Variants in PTPRC observed in about 807,000 individuals in gnomAD.
PTPRC encodes the protein protein tyrosine phosphatase receptor type C.
In PTPRC, 44 loss-of-function variants were observed where a neutral mutation model predicts 155.9. That is an observed-to-expected ratio of 0.28 (90% CI 0.22 to 0.36). The LOEUF (loss-of-function observed/expected upper bound fraction) is 0.36, where lower values mean the gene tolerates loss of function less well. PTPRC is among the 10% of genes least tolerant of loss of function. The probability of loss-of-function intolerance (pLI) is 1.00; values close to 1 mark genes in which losing one functional copy is unlikely to be tolerated. For synonymous variants in PTPRC, 525 were observed against 533.1 expected, an observed-to-expected ratio of 0.98 and a Z score of 0.21; for missense variants, 1,401 against 1,564.6, an observed-to-expected ratio of 0.90 and a Z score of 1.76.
chr1:198,742,183 A>G (rs1306025495), intron 24 of PTPRC, 49 bp from the exon 25 acceptor site: 1 of 1,611,560 alleles, frequency 6.2e-7, no homozygotes, highest in Non-Finnish European at 8.5e-7. Context: ...TTCACACCTG[A>G]CAGCTTTTCC....
rs764570515 is a variant in PTPRC at position 198,718,119 on chromosome 1, T to G, written c.1476T>G (p.Thr492=). The change falls in exon 14 of 33, where the codon ACT becomes ACG. Residue 492 remains threonine (T), a synonymous_variant. Coordinates refer to ENST00000442510, the MANE Select transcript of PTPRC (RefSeq NM_002838.5). The part of the protein sequence containing the change: ...SAPPSQVWNM[T]VSMTSDNSMH... ...CTCCAAGCCAGGTCTGGAACATGAC[T>G]GTCTCCATGACATCAGATAATAGTA... is the stretch of plus-strand genomic sequence containing the variant. 1.2e-6 allele frequency: 2 copies of G among 1,613,696 alleles called. No individual in the cohort carries two copies. The highest frequency in any genetic ancestry group is 4.5e-5 in the East Asian group (2 of 44,884).
At chr1:198,655,206 T>C (rs1663492288) in intron 2 of PTPRC, among the ~76,000 whole-genome samples, 1 of 151,832 alleles carries the variant, frequency 6.6e-6, no homozygotes, top group African/African-American at 2.4e-5. Context: ...CCTGCTTTTA[T>C]TTGAGTTAGA....
chr1:198,677,190 A>G (rs928862361), intron 2 of PTPRC, among the ~76,000 whole-genome samples: 1 of 152,174 alleles, frequency 6.6e-6, no homozygotes, highest in Non-Finnish European at 1.5e-5. Context: ...GCTTGCTAAT[A>G]CATAGCCTCA....
At chr1:198,676,992 C>T (rs1214019045) in intron 2 of PTPRC, among the ~76,000 whole-genome samples, 1 of 152,182 alleles carries the variant, frequency 6.6e-6, no homozygotes, top group East Asian at 1.9e-4. Flanking sequence ...ATGGATGGCT[C>T]AGTCCTTATA....
In PTPRC at chr1:198,708,154, A is replaced by T. The variant is rs1279900525; in HGVS notation, c.926A>T (p.His309Leu). Reference protein sequence around the residue: ...VPPGVEKFQLHDCTQVEKADT... With the variant: ...VPPGVEKFQLLDCTQVEKADT... ...TCAGGGGTTGAAAAGTTTCAGTTAC[A>T]TGATTGTACACAAGTTGAAAAAGCA... Residue 309 changes from histidine to leucine, a missense_variant, in exon 10 of 33, where the codon CAT (histidine) becomes CTT (leucine). Physicochemically the swap from His to Leu is moderately conservative, Grantham distance 99. Around this residue, in one of 3 missense-constraint regions of PTPRC, gnomAD observed 867 missense variants for 970.4 expected, o/e 0.89. Coordinates refer to ENST00000442510, the MANE Select transcript of PTPRC (RefSeq NM_002838.5). The T allele has an allele frequency of 6.2e-7, 1 of 1,606,786 alleles. No individual in the cohort carries two copies. The highest frequency in any genetic ancestry group is 1.1e-5 in the South Asian group (1 of 90,960).
Position 198,719,033 on chromosome 1 carries a change from C to T in PTPRC, c.1659+731C>T, listed in dbSNP as rs553135629. Among the ~76,000 whole-genome samples, 3 of 152,192 alleles carry T rather than the reference C, an allele frequency of 2.0e-5. No homozygotes were observed. The South Asian group carries it at 6.2e-4, about 32-fold the overall frequency. ...TCTAATATAAACAACATTCCGATAA[C>T]ACACTTATTGGTAAAGCAAAATTTT... On this transcript the variant is annotated intron_variant, in intron 14 of 32. Transcript: ENST00000442510.
At chr1:198,720,147 C>T (rs1352634035) in intron 14 of PTPRC, among the ~76,000 whole-genome samples, 9 of 152,108 alleles carry the variant, frequency 5.9e-5, no homozygotes, top group Admixed American at 2.6e-4. Flanking sequence ...TTGAAATCAA[C>T]AGCCTATTAT....
intron 2 of PTPRC, among the ~76,000 whole-genome samples, chr1:198,663,432 T>C (rs971126736): frequency 6.6e-6 from 1 of 152,212 alleles, no homozygotes; most frequent in African/African-American, 2.4e-5. Context: ...CACAGGTGCA[T>C]TTGTGGAAAT....
At chr1:198,732,797 CTG>C (rs1654455303) in intron 20 of PTPRC, among the ~76,000 whole-genome samples, 2 of 151,788 alleles carry the variant, frequency 1.3e-5, no homozygotes, top group African/African-American at 4.8e-5. Context: ...TTAATATACT[CTG>C]GTGTCTATTA....
At chr1:198,686,945 T>C (rs980835165) in intron 2 of PTPRC, among the ~76,000 whole-genome samples, 7 of 152,200 alleles carry the variant, frequency 4.6e-5, no homozygotes, top group African/African-American at 1.7e-4. Context: ...TATACTCCAG[T>C]CTAAATGGAT....
In PTPRC at chr1:198,756,458, G is replaced by A. The variant is rs1033253429; in HGVS notation, c.*277G>A. The A allele has an allele frequency of 6.6e-6, 2 of 303,474 alleles. No individual in the cohort carries two copies. Among genetic ancestry groups the A allele is most frequent in the African/African-American group, 4.3e-5 (2 of 45,998 alleles). The allele number at this position is 303,474 out of a possible 1,614,324, so 18.8% of individuals were successfully genotyped here. ...TGTGTATATGTATGTGTGTATGGGT[G>A]TGTGTTTGTGTGAGAGACAGAGAAA... On this transcript the variant is annotated 3_prime_UTR_variant, in exon 33 of 33. Transcript: ENST00000442510.
chr1:198,737,504 AG>A (rs1458927752), intron 23 of PTPRC, among the ~76,000 whole-genome samples: 1 of 150,858 alleles, frequency 6.6e-6, no homozygotes, highest in Non-Finnish European at 1.5e-5. Flanking sequence ...TCCACTGTAG[AG>A]TTGTTTCATT....
intron 20 of PTPRC, 66 bp downstream of exon 20, chr1:198,732,622 A>G: frequency 8.1e-7 from 1 of 1,231,060 alleles, no homozygotes; most frequent in Non-Finnish European, 1.2e-6. Flanking sequence ...TGTCTTGGTA[A>G]AATTTTAGAA....
chr1:198,641,873 T>G (rs114337536), intron 2 of PTPRC, among the ~76,000 whole-genome samples: 1,547 of 152,160 alleles, frequency 0.01, 23 homozygotes, highest in African/African-American at 0.036. Flanking sequence ...CCATCTGTAT[T>G]AAAAATATAT....
chr1:198,677,916 G>A (rs1241392179), intron 2 of PTPRC, among the ~76,000 whole-genome samples: 10 of 151,946 alleles, frequency 6.6e-5, no homozygotes. Context: ...AGAATATAAA[G>A]TCCAGCTTTT....
chr1:198,722,440 C>G lies in PTPRC; in HGVS notation c.1684C>G (p.Pro562Ala). ...FKAYFHNGDY[P>A]GEPFILHHST... ...GGCCTATTTTCACAATGGAGACTAT[C>G]CTGGAGAACCCTTTATTTTACATCA... is the stretch of plus-strand genomic sequence containing the variant. The change falls in exon 15 of 33, where the codon CCT becomes GCT. Residue 562 changes from proline (P) to alanine (A), a missense_variant. Pro to Ala is a conservative substitution (Grantham distance 27, BLOSUM62 -1). This residue lies in a region of PTPRC where 867 missense variants were observed against 970.4 expected (regional missense o/e 0.89). Transcript: ENST00000442510. The G allele has an allele frequency of 6.8e-7, 1 of 1,471,356 alleles. No homozygotes were observed. Among genetic ancestry groups the G allele is most frequent in the Non-Finnish European group, 9.1e-7 (1 of 1,104,286 alleles). The allele number at this position is 1,471,356 out of a possible 1,614,324, so 91.1% of individuals were successfully genotyped here. A position where few individuals can be genotyped will look rare whatever the true frequency, so the allele number is the denominator to read the frequency against.
intron 2 of PTPRC, among the ~76,000 whole-genome samples, chr1:198,669,250 T>G (rs1347797947): frequency 6.6e-6 from 1 of 152,208 alleles, no homozygotes; most frequent in African/African-American, 2.4e-5. Context: ...TGACTAATGC[T>G]TAGTGTTGTT....
chr1:198,651,267 A>G (rs536306040), intron 2 of PTPRC, among the ~76,000 whole-genome samples: 1 of 149,004 alleles, frequency 6.7e-6, no homozygotes, highest in Non-Finnish European at 1.5e-5. Flanking sequence ...AATATTGTTT[A>G]AGACAATACT....
In PTPRC at chr1:198,735,171, G is replaced by A. The variant is rs530085251; in HGVS notation, c.2322G>A (p.Arg774=). The A allele has an allele frequency of 6.2e-7, 1 of 1,604,082 alleles. No homozygotes were observed. Among genetic ancestry groups the A allele is most frequent in the East Asian group, 2.2e-5 (1 of 44,474 alleles). The change falls in exon 23 of 33, where the codon CGG becomes CGA. Residue 774 remains arginine, a synonymous_variant. Transcript: ENST00000442510. ...GGCCGTCAATGGAAGAGGGCACTCG[G>A]GCTTTTGGAGATGTTGTTGTAAAGA... is the stretch of plus-strand genomic sequence containing the variant. ...EYWPSMEEGT[R]AFGDVVVKIN...
Sources: allele counts gnomAD v4.1 joint callset (sites outside exome capture counted in the v4.1 genomes callset), GRCh38; gene constraint gnomAD v4.1.1; regional missense constraint gnomAD v4.1.1; transcripts MANE v1.5; gene names NCBI Gene and HGNC (gene_info 2026-07-23, HGNC 2026-07-21).